Variants in FAM219A observed in about 807,000 individuals in gnomAD.
FAM219A encodes family with sequence similarity 219 member A, also known as protein FAM219A.
A neutral mutation model predicts 23.4 loss-of-function variants in FAM219A; 7 were observed. The observed-to-expected ratio is 0.30, with a 90% CI of 0.17 to 0.56. The LOEUF (loss-of-function observed/expected upper bound fraction) is 0.56, where lower values mean the gene tolerates loss of function less well. Among genes scored for constraint, FAM219A ranks in the 20% least tolerant of loss-of-function variants. The probability of loss-of-function intolerance (pLI) is 0.92; values close to 1 mark genes in which losing one functional copy is unlikely to be tolerated. For missense variants in FAM219A, 166 were observed against 246.9 expected (o/e 0.67, Z 2.20); for synonymous variants, 93 against 99.0 (o/e 0.94, Z 0.36).
intron 1 of FAM219A, among the ~76,000 whole-genome samples, chr9:34,424,618 TC>T (rs1237512631): frequency 6.6e-6 from 1 of 152,022 alleles, no homozygotes; most frequent in Non-Finnish European, 1.5e-5. Context: ...ACCCTTGACT[TC>T]TAGTCCTTGA....
At chr9:34,456,232 A>G (rs987131443) in intron 1 of FAM219A, among the ~76,000 whole-genome samples, 5 of 152,202 alleles carry the variant, frequency 3.3e-5, no homozygotes, top group Admixed American at 2.6e-4. Context: ...CACAAGGGTG[A>G]CTTTAGCAGT....
In FAM219A at chr9:34,405,909, G is replaced by A; in HGVS notation, c.116C>T (p.Ser39Leu). 1 of 1,613,934 alleles carries A rather than the reference G, an allele frequency of 6.2e-7. No homozygotes were observed. Among genetic ancestry groups the A allele is most frequent in the Non-Finnish European group, 8.5e-7 (1 of 1,179,916 alleles). The change falls in exon 2 of 6, where the codon TCA (serine) becomes TTA (leucine). Residue 39 changes from serine (S) to leucine (L), a missense_variant. Physicochemically the swap from Ser to Leu is moderately radical, Grantham distance 145. Transcript: ENST00000651358. ...DGDCDAREGE[S>L]VAMNYKPSPL... ...GGATGGTTTGTAATTCATGGCTACT[G>A]ACTCACCCTCCCGGGCGTCACAGTC...
intron 1 of FAM219A, among the ~76,000 whole-genome samples, chr9:34,439,376 C>A (rs1175130586): frequency 6.6e-6 from 1 of 152,146 alleles, no homozygotes; most frequent in Non-Finnish European, 1.5e-5. Context: ...TTCATTCATT[C>A]AACCAAAAGC....
At chr9:34,456,931 G>A (rs900081567) in intron 1 of FAM219A, among the ~76,000 whole-genome samples, 4 of 152,130 alleles carry the variant, frequency 2.6e-5, no homozygotes, top group Admixed American at 6.5e-5. Context: ...GGTCCCTGCC[G>A]AGGCCCATCT....
At chr9:34,437,429 T>C (rs926140610) in intron 1 of FAM219A, among the ~76,000 whole-genome samples, 8 of 152,140 alleles carry the variant, frequency 5.3e-5, no homozygotes, top group African/African-American at 1.9e-4. Flanking sequence ...CAGGGCCAAA[T>C]GTGGAGCGCT....
chr9:34,414,494 G>A lies in FAM219A; in HGVS notation c.61-8530C>T, dbSNP rs548530415. 3.3e-5 allele frequency among the ~76,000 whole-genome samples: 5 copies of A among 152,234 alleles called. No individual in the cohort carries two copies. In the South Asian group the frequency reaches 8.3e-4, roughly 25 times the overall value. Reference sequence around the variant, plus strand: ...GTATACCTATGTAACAAACCTGCACGTTCTGCACATGTATCCCAGAACTTA... The same window carrying A: ...GTATACCTATGTAACAAACCTGCACATTCTGCACATGTATCCCAGAACTTA... On this transcript the variant is annotated intron_variant, in intron 1 of 5. Coordinates refer to ENST00000651358, the MANE Select transcript of FAM219A (RefSeq NM_001184940.2).
chr9:34,412,123 G>T (rs984295945), intron 1 of FAM219A, among the ~76,000 whole-genome samples: 2 of 152,132 alleles, frequency 1.3e-5, no homozygotes, highest in Non-Finnish European at 2.9e-5. Context: ...ATTTGAGATG[G>T]AAAAGGACCC....
intron 1 of FAM219A, among the ~76,000 whole-genome samples, chr9:34,413,428 C>T (rs987414838): frequency 6.6e-6 from 1 of 152,120 alleles, no homozygotes; most frequent in Non-Finnish European, 1.5e-5. Flanking sequence ...AGGCGCTCTC[C>T]GTGGTGCTGA....
At chr9:34,412,910 C>A (rs1564001771) in intron 1 of FAM219A, among the ~76,000 whole-genome samples, 1 of 152,086 alleles carries the variant, frequency 6.6e-6, no homozygotes, top group Non-Finnish European at 1.5e-5. Context: ...ACAGAGTGAC[C>A]ACAGGCCGTT....
chr9:34,419,749 G>A (rs144573576), intron 1 of FAM219A, among the ~76,000 whole-genome samples: 1 of 152,296 alleles, frequency 6.6e-6, no homozygotes, highest in African/African-American at 2.4e-5. Context: ...AGCCTGGCCT[G>A]CACTGGTTCA....
intron 1 of FAM219A, among the ~76,000 whole-genome samples, chr9:34,419,940 C>A (rs554343086): frequency 1.3e-5 from 2 of 152,304 alleles, no homozygotes; most frequent in East Asian, 3.9e-4. Flanking sequence ...CCCTTCCTCT[C>A]CTTTTTAGCT....
intron 1 of FAM219A, among the ~76,000 whole-genome samples, chr9:34,420,502 A>G (rs908806977): frequency 2.6e-5 from 4 of 152,216 alleles, no homozygotes; most frequent in Non-Finnish European, 5.9e-5. Flanking sequence ...ACCCTGCCAC[A>G]GGGCACTCAC....
At chr9:34,422,025 G>A (rs1564006314) in intron 1 of FAM219A, among the ~76,000 whole-genome samples, 1 of 152,104 alleles carries the variant, frequency 6.6e-6, no homozygotes, top group Non-Finnish European at 1.5e-5. Context: ...CCTCCACCCT[G>A]ACCTTAACCT....
At chr9:34,402,842 C>A (rs1821499709) in intron 2 of FAM219A, 35 bp from the exon 3 acceptor site, 1 of 1,598,708 alleles carries the variant, frequency 6.3e-7, no homozygotes, top group Non-Finnish European at 8.6e-7. Flanking sequence ...CTGTGTCCTG[C>A]CCCTGAGGCC....
chr9:34,402,354 G>A (rs1441466379), intron 4 of FAM219A, 33 bp downstream of exon 4: 2 of 1,614,170 alleles, frequency 1.2e-6, no homozygotes, highest in South Asian at 2.2e-5. Flanking sequence ...GTTCCTTTGG[G>A]CTGCCCAGCT....
chr9:34,413,607 C>G (rs562275440), intron 1 of FAM219A, among the ~76,000 whole-genome samples: 1 of 152,318 alleles, frequency 6.6e-6, no homozygotes, highest in Admixed American at 6.5e-5. Flanking sequence ...AAGCAAAGCG[C>G]TCATACCAAT....
intron 1 of FAM219A, among the ~76,000 whole-genome samples, chr9:34,415,235 G>T (rs1821959314): frequency 6.6e-6 from 1 of 152,110 alleles, no homozygotes; most frequent in African/African-American, 2.4e-5. Flanking sequence ...GTATGGTCAA[G>T]TTCACCAAAA....
In FAM219A at chr9:34,402,716, C is replaced by T; in HGVS notation, c.252G>A (p.Met84Ile). Residue 84 changes from methionine to isoleucine, a missense_variant, in exon 3 of 6, where the codon ATG (methionine) becomes ATA (isoleucine). By Grantham distance (10) the Met-to-Ile change is conservative. Around this residue, in one of 3 missense-constraint regions of FAM219A, gnomAD observed 89 missense variants for 98.8 expected, o/e 0.90. Coordinates refer to ENST00000651358, the MANE Select transcript of FAM219A (RefSeq NM_001184940.2). ...VNQQPKKNNV[M>I]ARTRLVVPNK... ...GGGAGGGCCTCTACCTTGTTCGGGC[C>T]ATGACATTGTTCTTCTTGGGTTGCT... The T allele has an allele frequency of 1.2e-6, 2 of 1,614,160 alleles. No homozygotes were observed. The highest frequency in any genetic ancestry group is 1.7e-4 in the Middle Eastern group (1 of 6,060).
In FAM219A at chr9:34,398,225, G is replaced by A. The variant is rs892597496; in HGVS notation, c.*2739C>T. On this transcript the variant is annotated 3_prime_UTR_variant, in exon 6 of 6. Transcript: ENST00000651358. ...TTTAATATCATTATTTGTGTTACAC[G>A]ATACACAACCAAGGATGATGGTCAA... is the stretch of plus-strand genomic sequence containing the variant. The A allele has an allele frequency of 7.2e-6, 11 of 1,529,824 alleles. No homozygotes were observed. The Admixed American group carries it at 7.9e-5, about 11-fold the overall frequency. The allele number at this position is 1,529,824 out of a possible 1,614,324, so 94.8% of individuals were successfully genotyped here. A position where few individuals can be genotyped will look rare whatever the true frequency, so the allele number is the denominator to read the frequency against.
Sources: gnomAD v4.1 joint callset for allele counts (sites outside exome capture counted in the v4.1 genomes callset) on GRCh38, gnomAD v4.1.1 for gene constraint, gnomAD v4.1.1 regional missense constraint, MANE v1.5 for transcripts, NCBI Gene and HGNC (gene_info 2026-07-23, HGNC 2026-07-21) for gene names.